The following ANKFN1 variants were observed in gnomAD, a reference collection of about 807,000 sequenced individuals.
ANKFN1 encodes ankyrin repeat and fibronectin type-III domain-containing protein 1.
In ANKFN1, 74 loss-of-function variants were observed where a neutral mutation model predicts 108.7. That is an observed-to-expected ratio of 0.68 (90% CI 0.56 to 0.83). The LOEUF is 0.83. Among genes scored for constraint, ANKFN1 ranks in the 40% least tolerant of loss-of-function variants. The pLI, the probability that ANKFN1 is intolerant of heterozygous loss-of-function variation, is 0.00. For synonymous variants in ANKFN1, 547 were observed against 516.2 expected, an observed-to-expected ratio of 1.06 and a Z score of -0.81; for missense variants, 1,505 against 1,382.3, an observed-to-expected ratio of 1.09 and a Z score of -1.41.
At position 56,510,982 on chromosome 17, in the gene ANKFN1, A is replaced by C; in HGVS notation, c.3154A>C (p.Lys1052Gln). Residue 1052 changes from lysine to glutamine, a missense_variant, in exon 21 of 21, where the codon AAG becomes CAG. Transcript: ENST00000682825. ...TCTGGCCCAGGAGCCCAAGGAGGCC[A>C]AGCGGGCCGGCCCTGCCCTTGATGA... Reference protein sequence around the residue: ...CGLAQEPKEAKRAGPALDDPR... With the variant: ...CGLAQEPKEAQRAGPALDDPR... The C allele has an allele frequency of 6.5e-7, 1 of 1,535,982 alleles. No homozygotes were observed. The highest frequency in any genetic ancestry group is 8.7e-7 in the Non-Finnish European group (1 of 1,146,842).
At chr17:56,438,678 G>A (rs908599022) in intron 8 of ANKFN1, among the ~76,000 whole-genome samples, 1 of 152,096 alleles carries the variant, frequency 6.6e-6, no homozygotes, top group African/African-American at 2.4e-5. Context: ...TCCCACCTCA[G>A]CCTCCTGAGT....
intron 4 of ANKFN1, among the ~76,000 whole-genome samples, chr17:56,333,437 T>A (rs2045721037): frequency 6.6e-6 from 1 of 152,174 alleles, no homozygotes; most frequent in African/African-American, 2.4e-5. Flanking sequence ...TTTTCCTCCT[T>A]GTCCTCTCTT....
At chr17:56,416,866 T>C (rs180916392) in intron 8 of ANKFN1, among the ~76,000 whole-genome samples, 70 of 152,314 alleles carry the variant, frequency 4.6e-4, no homozygotes, top group Non-Finnish European at 7.4e-5. Flanking sequence ...AGTGGAGTAC[T>C]ATGCAGCCAT....
At chr17:56,150,387 C>A (rs770477298), upstream of ANKFN1, among the ~76,000 whole-genome samples, 33 of 152,124 alleles carry the variant, frequency 2.2e-4, no homozygotes, top group Admixed American at 9.2e-4. Context: ...TTACCGATAC[C>A]CCCTTTAGAC....
At chr17:56,355,078 A>G (rs1403308498) in intron 6 of ANKFN1, among the ~76,000 whole-genome samples, 1 of 152,184 alleles carries the variant, frequency 6.6e-6, no homozygotes, top group East Asian at 1.9e-4. Context: ...TGTATATTAC[A>G]AAGTAGCTAG....
intron 4 of ANKFN1, among the ~76,000 whole-genome samples, chr17:56,052,201 G>A (rs1160457904): frequency 6.6e-6 from 1 of 152,096 alleles, no homozygotes; most frequent in Non-Finnish European, 1.5e-5. Flanking sequence ...AAAACAGCAT[G>A]GTACTGGTAC....
At chr17:56,179,820 A>G (rs1462187902) in intron 1 of ANKFN1, among the ~76,000 whole-genome samples, 3 of 152,190 alleles carry the variant, frequency 2.0e-5, no homozygotes, top group Non-Finnish European at 4.4e-5. Flanking sequence ...GTGGACACAT[A>G]CTAAGCCTAA....
At chr17:56,190,682 A>G (rs1270526349) in intron 1 of ANKFN1, among the ~76,000 whole-genome samples, 17 of 112,512 alleles carry the variant, frequency 1.5e-4, no homozygotes, top group Non-Finnish European at 1.1e-4. Context: ...AAAAAAATGT[A>G]TATTCTGTTG....
chr17:56,065,110 A>AT (rs1905039751), intron 4 of ANKFN1, among the ~76,000 whole-genome samples: 1 of 152,074 alleles, frequency 6.6e-6, no homozygotes, highest in South Asian at 2.1e-4. Flanking sequence ...CATGCTTATT[A>AT]TGGTTCTTTT....
intron 3 of ANKFN1, among the ~76,000 whole-genome samples, chr17:56,246,902 T>C (rs143707069): frequency 8.8e-4 from 134 of 152,266 alleles, no homozygotes; most frequent in African/African-American, 2.8e-3. Context: ...ATCTTCCCTT[T>C]TATGTACAAG....
intron 2 of ANKFN1, among the ~76,000 whole-genome samples, chr17:56,220,691 A>C (rs1425428909): frequency 1.4e-5 from 2 of 142,264 alleles, no homozygotes; most frequent in African/African-American, 6.0e-5. Context: ...AGGAAAAGAA[A>C]GGAAAGGAAA....
At chr17:56,055,600 C>CACACAT (rs1567778636) in intron 4 of ANKFN1, among the ~76,000 whole-genome samples, 5 of 33,608 alleles carry the variant, frequency 1.5e-4, no homozygotes, top group African/African-American at 6.5e-4. Context: ...TATATATACA[C>CACACAT]ATTTTTTTAT....
At chr17:56,361,499 C>T (rs1028875799) in intron 6 of ANKFN1, among the ~76,000 whole-genome samples, 4 of 152,064 alleles carry the variant, frequency 2.6e-5, no homozygotes, top group African/African-American at 9.7e-5. Flanking sequence ...CCACATCTGA[C>T]CTTTGGTAGC....
At chr17:56,064,518 G>T (rs575185028) in intron 4 of ANKFN1, among the ~76,000 whole-genome samples, 1 of 152,330 alleles carries the variant, frequency 6.6e-6, no homozygotes, top group South Asian at 2.1e-4. Flanking sequence ...GCCGCAGTCT[G>T]CCACTGCTGG....
chr17:56,217,195 CCT>C (rs1915486209), intron 2 of ANKFN1, among the ~76,000 whole-genome samples: 1 of 152,124 alleles, frequency 6.6e-6, no homozygotes, highest in Non-Finnish European at 1.5e-5. Context: ...TTCACACTGC[CCT>C]CTCTTCTCCA....
intron 4 of ANKFN1, among the ~76,000 whole-genome samples, chr17:56,054,112 G>A (rs931350417): frequency 5.3e-5 from 8 of 152,136 alleles, no homozygotes; most frequent in Non-Finnish European, 8.8e-5. Flanking sequence ...ATGCTTTTAC[G>A]CTGTTGGTGG....
chr17:56,403,803 C>T (rs888265708), intron 8 of ANKFN1, among the ~76,000 whole-genome samples: 9 of 151,900 alleles, frequency 5.9e-5, no homozygotes, highest in Non-Finnish European at 1.2e-4. Flanking sequence ...GATGTGTTTC[C>T]AGGATTTGTT....
chr17:56,415,021 A>C (rs1355009094), intron 8 of ANKFN1, among the ~76,000 whole-genome samples: 1 of 151,992 alleles, frequency 6.6e-6, no homozygotes, highest in Non-Finnish European at 1.5e-5. Flanking sequence ...CTCTGTCTCA[A>C]AAAAAGAAAA....
chr17:56,218,317 C>T (rs1222744237), intron 2 of ANKFN1, among the ~76,000 whole-genome samples: 3 of 151,238 alleles, frequency 2.0e-5, no homozygotes, highest in Middle Eastern at 3.2e-3. Context: ...TTCCTTTTTC[C>T]AAGCTGACCT....
Sources: allele counts gnomAD v4.1 joint callset (sites outside exome capture counted in the v4.1 genomes callset), GRCh38; gene constraint gnomAD v4.1.1; transcripts MANE v1.5; gene names NCBI Gene and HGNC (gene_info 2026-07-23, HGNC 2026-07-21).